The following GPC6 variants were observed in gnomAD, a reference collection of about 807,000 sequenced individuals.
The protein encoded by GPC6 is glypican-6.
GPC6 carries 14 observed loss-of-function variants against 55.2 expected under a neutral mutation model. The observed-to-expected ratio is 0.25, with a 90% CI of 0.17 to 0.40. The LOEUF is 0.40. Ranked by LOEUF, GPC6 falls within the 10% of genes least tolerant of loss-of-function variation. The pLI, the probability that GPC6 is intolerant of heterozygous loss-of-function variation, is 1.00. For synonymous variants in GPC6, 278 were observed against 259.6 expected, an observed-to-expected ratio of 1.07 and a Z score of -0.68; for missense variants, 641 against 708.5, an observed-to-expected ratio of 0.90 and a Z score of 1.08.
chr13:93,844,860 T>C (rs1208056483), intron 3 of GPC6, among the ~76,000 whole-genome samples: 1 of 150,814 alleles, frequency 6.6e-6, no homozygotes, highest in East Asian at 2.0e-4. Flanking sequence ...GCTTTCTACA[T>C]ATGGCTAGCC....
At chr13:93,909,525 G>A (rs965183417) in intron 3 of GPC6, among the ~76,000 whole-genome samples, 3 of 152,110 alleles carry the variant, frequency 2.0e-5, no homozygotes, top group African/African-American at 7.2e-5. Context: ...CGTGAAAACT[G>A]TGAGTAACAA....
rs540592792 is a variant in GPC6, at chr13:93,390,531, G to A, written c.161-154732G>A. On this transcript the variant is annotated intron_variant, in intron 1 of 8. Coordinates refer to ENST00000377047, the MANE Select transcript of GPC6 (RefSeq NM_005708.5). ...AATGGATCACGTTTGCTGCCTTTCG[G>A]TGTGTTATGGGCAGGAGTGGAAAGA... Among the ~76,000 whole-genome samples the A allele has an allele frequency of 2.0e-5, 3 of 152,222 alleles. 1 individual carries two copies. The South Asian group carries it at 6.2e-4, about 32-fold the overall frequency.
intron 2 of GPC6, among the ~76,000 whole-genome samples, chr13:93,754,295 T>G (rs1262952706): frequency 1.3e-5 from 2 of 152,192 alleles, no homozygotes; most frequent in Non-Finnish European, 2.9e-5. Flanking sequence ...TTCTGAAGTA[T>G]TCCATCTAAT....
chr13:94,179,794 A>G (rs1336791397), intron 4 of GPC6, among the ~76,000 whole-genome samples: 1 of 152,188 alleles, frequency 6.6e-6, no homozygotes, highest in East Asian at 1.9e-4. Flanking sequence ...CTTTTTTTCT[A>G]TGTATTTTTC....
intron 2 of GPC6, among the ~76,000 whole-genome samples, chr13:93,582,396 A>G (rs931111523): frequency 7.9e-5 from 12 of 152,222 alleles, no homozygotes; most frequent in Non-Finnish European, 1.8e-4. Context: ...CAATTTCAAA[A>G]TCTGGAAACT....
At chr13:93,242,592 G>C (rs773452955) in intron 1 of GPC6, among the ~76,000 whole-genome samples, 1 of 152,112 alleles carries the variant, frequency 6.6e-6, no homozygotes, top group Non-Finnish European at 1.5e-5. Context: ...TCCCCTCTAC[G>C]TCACTTCATG....
chr13:93,467,575 C>CTTTTTTTTTTT (rs11426472), intron 1 of GPC6, among the ~76,000 whole-genome samples: 1 of 74,020 alleles, frequency 1.4e-5, no homozygotes, highest in African/African-American at 5.6e-5. Context: ...AGCTGTGATT[C>CTTTTTTTTTTT]TTTTTTTTTT....
At chr13:93,439,612 A>T (rs1397015913) in intron 1 of GPC6, among the ~76,000 whole-genome samples, 5 of 151,956 alleles carry the variant, frequency 3.3e-5, no homozygotes, top group Non-Finnish European at 5.9e-5. Context: ...CAGTGAGCCA[A>T]GATTGCACCA....
At chr13:93,399,972 G>T (rs895804796) in intron 1 of GPC6, among the ~76,000 whole-genome samples, 1 of 152,172 alleles carries the variant, frequency 6.6e-6, no homozygotes, top group Non-Finnish European at 1.5e-5. Flanking sequence ...AAGATACAAT[G>T]GGAGTCTTAT....
At chr13:94,317,873 G>T (rs1277297858) in intron 6 of GPC6, among the ~76,000 whole-genome samples, 1 of 152,076 alleles carries the variant, frequency 6.6e-6, no homozygotes, top group African/African-American at 2.4e-5. Context: ...GCATGTGTGT[G>T]CATGTGTGTG....
At chr13:93,812,886 G>A (rs997200919) in intron 2 of GPC6, among the ~76,000 whole-genome samples, 2 of 152,148 alleles carry the variant, frequency 1.3e-5, no homozygotes, top group African/African-American at 4.8e-5. Flanking sequence ...CTTAGGTCAA[G>A]AGTACTGGTA....
chr13:94,015,517 T>A (rs1163479952), intron 3 of GPC6, among the ~76,000 whole-genome samples: 2 of 152,212 alleles, frequency 1.3e-5, no homozygotes, highest in Admixed American at 6.5e-5. Flanking sequence ...AAAGTTTTCA[T>A]TTTTATGCAT....
At chr13:93,509,429 C>T (rs1880862840) in intron 1 of GPC6, among the ~76,000 whole-genome samples, 1 of 152,196 alleles carries the variant, frequency 6.6e-6, no homozygotes, top group Non-Finnish European at 1.5e-5. Flanking sequence ...TTTGTTGCTG[C>T]TCTTCTTGAC....
intron 3 of GPC6, among the ~76,000 whole-genome samples, chr13:93,833,738 G>T (rs1887621557): frequency 6.6e-6 from 1 of 152,124 alleles, no homozygotes; most frequent in Non-Finnish European, 1.5e-5. Flanking sequence ...ACATTATTGG[G>T]AAATTTCTTA....
At chr13:94,333,509 C>T (rs1232033702) in intron 6 of GPC6, among the ~76,000 whole-genome samples, 1 of 152,222 alleles carries the variant, frequency 6.6e-6, no homozygotes, top group Non-Finnish European at 1.5e-5. Context: ...GAAATCAATA[C>T]ATCAATGCAT....
intron 3 of GPC6, among the ~76,000 whole-genome samples, chr13:93,945,756 A>G (rs997762765): frequency 3.3e-5 from 5 of 152,166 alleles, no homozygotes; most frequent in African/African-American, 1.2e-4. Flanking sequence ...TCAGTCCCAC[A>G]CTTTCACTGA....
intron 2 of GPC6, among the ~76,000 whole-genome samples, chr13:93,767,759 T>C (rs1885167866): frequency 6.6e-6 from 1 of 152,176 alleles, no homozygotes; most frequent in East Asian, 1.9e-4. Context: ...CTGTACCGTC[T>C]GGCCGGCTCA....
At chr13:93,497,483 G>A (rs1381267009) in intron 1 of GPC6, among the ~76,000 whole-genome samples, 1 of 152,164 alleles carries the variant, frequency 6.6e-6, no homozygotes, top group African/African-American at 2.4e-5. Flanking sequence ...AACTGTGTTT[G>A]GGCAAAAAGC....
chr13:94,281,989 ATTC>A (rs1309566430), intron 4 of GPC6, among the ~76,000 whole-genome samples: 1 of 152,238 alleles, frequency 6.6e-6, no homozygotes, highest in Non-Finnish European at 1.5e-5. Context: ...ATTGGCTAGA[ATTC>A]TGAACATTTA....
Sources: gnomAD v4.1 joint callset for allele counts (sites outside exome capture counted in the v4.1 genomes callset) on GRCh38, gnomAD v4.1.1 for gene constraint, MANE v1.5 for transcripts, NCBI Gene and HGNC (gene_info 2026-07-23, HGNC 2026-07-21) for gene names.